Variants in ADGRB3 observed in about 807,000 individuals in gnomAD.
ADGRB3 encodes the protein adhesion G protein-coupled receptor B3, also known as brain-specific angiogenesis inhibitor 3.
In ADGRB3, 37 loss-of-function variants were observed where a neutral mutation model predicts 193.4. The observed-to-expected ratio is 0.19, with a 90% CI of 0.15 to 0.25. ADGRB3 has a LOEUF of 0.25. Among genes scored for constraint, ADGRB3 ranks in the 10% least tolerant of loss-of-function variants. ADGRB3 has a pLI of 1.00. For missense variants in ADGRB3, 1,637 were observed against 1,852.9 expected, an observed-to-expected ratio of 0.88 and a Z score of 2.14; for synonymous variants, 690 against 644.2, an observed-to-expected ratio of 1.07 and a Z score of -1.08.
chr6:69,267,377 G>A (rs1767070751), intron 20 of ADGRB3, among the ~76,000 whole-genome samples: 1 of 152,080 alleles, frequency 6.6e-6, no homozygotes, highest in Non-Finnish European at 1.5e-5. Flanking sequence ...CAGATTTGAA[G>A]GGAGTGGTTC....
At chr6:69,264,444 C>CT (rs200887229) in intron 20 of ADGRB3, among the ~76,000 whole-genome samples, 48 of 151,480 alleles carry the variant, frequency 3.2e-4, no homozygotes, top group African/African-American at 1.0e-3. Context: ...ATCTTTTATA[C>CT]TTTTTTTTTC....
At chr6:69,127,075 TTA>T (rs1036475046) in intron 17 of ADGRB3, among the ~76,000 whole-genome samples, 54 of 152,310 alleles carry the variant, frequency 3.5e-4, no homozygotes, top group African/African-American at 1.3e-3. Flanking sequence ...AAGTGAGATG[TTA>T]GACTTCCCTG....
At chr6:69,301,066 G>A (rs1383697198) in intron 20 of ADGRB3, among the ~76,000 whole-genome samples, 2 of 151,452 alleles carry the variant, frequency 1.3e-5, no homozygotes, top group African/African-American at 2.4e-5. Context: ...TAAACATATC[G>A]GAAAAATTTA....
At chr6:69,061,369 T>C (rs1387489349) in intron 15 of ADGRB3, among the ~76,000 whole-genome samples, 2 of 151,896 alleles carry the variant, frequency 1.3e-5, no homozygotes, top group South Asian at 2.1e-4. Flanking sequence ...AACCACCTCA[T>C]TAGAGAAAAA....
chr6:68,840,132 A>G (rs914213383), intron 3 of ADGRB3, among the ~76,000 whole-genome samples: 3 of 152,164 alleles, frequency 2.0e-5, no homozygotes, highest in African/African-American at 7.2e-5. Flanking sequence ...ATTCTAGGCC[A>G]CAAAGACTGC....
intron 17 of ADGRB3, among the ~76,000 whole-genome samples, chr6:69,080,736 G>C (rs1034414012): frequency 6.6e-6 from 1 of 151,936 alleles, no homozygotes; most frequent in South Asian, 2.1e-4. Flanking sequence ...AGAATTTCCT[G>C]GTGATTCAAT....
chr6:68,743,323 C>T (rs990137178), intron 3 of ADGRB3, among the ~76,000 whole-genome samples: 6 of 145,026 alleles, frequency 4.1e-5, no homozygotes, highest in Non-Finnish European at 9.1e-5. Context: ...TAAGTTGAGA[C>T]ATCTGAATCT....
chr6:68,779,082 A>G (rs1766804573), intron 3 of ADGRB3, among the ~76,000 whole-genome samples: 1 of 151,964 alleles, frequency 6.6e-6, no homozygotes, highest in Non-Finnish European at 1.5e-5. Flanking sequence ...TGATTTTTTA[A>G]AATTATATAC....
In ADGRB3 at chr6:69,340,590, G is replaced by A. The variant is rs535565644; in HGVS notation, c.3459+1086G>A. On this transcript the variant is annotated intron_variant, in intron 26 of 31. Transcript: ENST00000370598. ...AGGCTTTTACCTGATTTATCAGATGGGAAGAACAATATTTCTGAGCTATTT... is the reference window on the plus strand; with the variant it reads ...AGGCTTTTACCTGATTTATCAGATGAGAAGAACAATATTTCTGAGCTATTT... Among the ~76,000 whole-genome samples the A allele has an allele frequency of 2.0e-5, 3 of 152,098 alleles. No individual in the cohort carries two copies. The South Asian group carries it at 6.2e-4, about 32-fold the overall frequency.
At chr6:68,724,972 C>CTTAT (rs1765648227) in intron 3 of ADGRB3, among the ~76,000 whole-genome samples, 1 of 151,438 alleles carries the variant, frequency 6.6e-6, no homozygotes, top group Non-Finnish European at 1.5e-5. Context: ...TGTTTTTTTC[C>CTTAT]GCAAATATAT....
chr6:69,055,633 A>G (rs1771522929), intron 15 of ADGRB3, among the ~76,000 whole-genome samples: 1 of 152,000 alleles, frequency 6.6e-6, no homozygotes, highest in South Asian at 2.1e-4. Flanking sequence ...CTTTCTTTCA[A>G]TTCTTTTGGA....
intron 20 of ADGRB3, among the ~76,000 whole-genome samples, chr6:69,251,145 T>TA (rs2127266912): frequency 6.6e-6 from 1 of 152,324 alleles, no homozygotes; most frequent in South Asian, 2.1e-4. Flanking sequence ...TCTCATCAAT[T>TA]ACATGCTTTT....
chr6:68,888,860 G>A (rs1238071775), intron 3 of ADGRB3, among the ~76,000 whole-genome samples: 1 of 152,122 alleles, frequency 6.6e-6, no homozygotes, highest in Admixed American at 6.5e-5. Flanking sequence ...AATGTGCTTG[G>A]TCCTCAGCAT....
chr6:68,661,538 CATATATATATATATATAT>C (rs66836065), intron 3 of ADGRB3, among the ~76,000 whole-genome samples: 7 of 91,826 alleles, frequency 7.6e-5, no homozygotes, highest in South Asian at 5.2e-4. Flanking sequence ...TATGTGTATA[CATATATATATATATATAT>C]ATATATATAT....
intron 3 of ADGRB3, among the ~76,000 whole-genome samples, chr6:68,825,717 T>G (rs1767830570): frequency 6.6e-6 from 1 of 152,098 alleles, no homozygotes; most frequent in African/African-American, 2.4e-5. Flanking sequence ...TCTGATGGTT[T>G]TATATGGGGC....
chr6:69,155,893 A>G (rs1774822130), intron 17 of ADGRB3, among the ~76,000 whole-genome samples: 1 of 152,184 alleles, frequency 6.6e-6, no homozygotes, highest in African/African-American at 2.4e-5. Flanking sequence ...TTAAAAGGCG[A>G]ACAAAAATTA....
chr6:69,089,180 A>G (rs1361176335), intron 17 of ADGRB3, among the ~76,000 whole-genome samples: 1 of 152,246 alleles, frequency 6.6e-6, no homozygotes, highest in Non-Finnish European at 1.5e-5. Flanking sequence ...TATTGGAAGT[A>G]GACAGCAGTA....
intron 3 of ADGRB3, among the ~76,000 whole-genome samples, chr6:68,846,138 T>A (rs1313040656): frequency 1.3e-5 from 2 of 152,120 alleles, no homozygotes; most frequent in East Asian, 3.9e-4. Flanking sequence ...GCCCTAGAGA[T>A]CTGTGGAACT....
At chr6:69,028,636 A>G (rs1770511912) in intron 13 of ADGRB3, among the ~76,000 whole-genome samples, 1 of 152,190 alleles carries the variant, frequency 6.6e-6, no homozygotes, top group Non-Finnish European at 1.5e-5. Context: ...CCATGCTAAG[A>G]CACAACTATT....
Sources: gnomAD v4.1 joint callset for allele counts (sites outside exome capture counted in the v4.1 genomes callset) on GRCh38, gnomAD v4.1.1 for gene constraint, MANE v1.5 for transcripts, NCBI Gene and HGNC (gene_info 2026-07-23, HGNC 2026-07-21) for gene names.